The following CPEB3 variants were observed in gnomAD, a reference collection of about 807,000 sequenced individuals.
CPEB3 encodes cytoplasmic polyadenylation element-binding protein 3.
CPEB3 carries 20 observed loss-of-function variants against 67.2 expected under a neutral mutation model. The observed-to-expected ratio is 0.30, with a 90% CI of 0.21 to 0.43. The LOEUF (loss-of-function observed/expected upper bound fraction) is 0.43. CPEB3 is among the 20% of genes least tolerant of loss of function. CPEB3 has a pLI of 1.00. For missense variants in CPEB3, 746 were observed against 968.6 expected (o/e 0.77, Z 3.05); for synonymous variants, 376 against 393.1 (o/e 0.96, Z 0.51).
intron 4 of CPEB3, among the ~76,000 whole-genome samples, chr10:92,179,105 T>G (rs556402644): frequency 6.6e-6 from 1 of 152,060 alleles, no homozygotes; most frequent in East Asian, 1.9e-4. Flanking sequence ...TTTGGTACTT[T>G]AAAAAAATTA....
Position 92,094,547 on chromosome 10 carries a change from T to A in CPEB3, c.1573-2603A>T, listed in dbSNP as rs1843768402. On this transcript the variant is annotated intron_variant, in intron 7 of 9. Coordinates refer to ENST00000265997, the MANE Select transcript of CPEB3 (RefSeq NM_014912.5). ...AACCTGGGAGGCGGAGCTTGCAGTG[T>A]GCCAAGATCACGTCACTGCACTCCA... Among the ~76,000 whole-genome samples the A allele has an allele frequency of 2.7e-5, 4 of 150,722 alleles. No individual in the cohort carries two copies. The South Asian group carries it at 8.4e-4, about 32-fold the overall frequency.
In CPEB3 at chr10:92,177,358, G is replaced by T. The variant is rs76767236; in HGVS notation, c.1222+3605C>A. ...TTATTTTGGAAATATTGGACAAGTG[G>T]CAGGTCTTACTGATGGATTGGAGTT... is the stretch of plus-strand genomic sequence containing the variant. On this transcript the variant is annotated intron_variant, in intron 4 of 9. Transcript: ENST00000265997. 7.9e-3 allele frequency among the ~76,000 whole-genome samples: 1,199 copies of T among 152,304 alleles called. 10 individuals are homozygous for T. The highest frequency in any genetic ancestry group is 0.028 in the African/African-American group (1,151 of 41,546).
At chr10:92,236,935 T>C (rs372489537) in intron 2 of CPEB3, among the ~76,000 whole-genome samples, 1 of 152,198 alleles carries the variant, frequency 6.6e-6, no homozygotes, top group East Asian at 1.9e-4. Flanking sequence ...CTTTTATTAA[T>C]AGCTCAAAAA....
At chr10:92,141,587 T>A (rs1260936372) in intron 6 of CPEB3, among the ~76,000 whole-genome samples, 1 of 151,918 alleles carries the variant, frequency 6.6e-6, no homozygotes, top group Admixed American at 6.6e-5. Context: ...CATATGTAAC[T>A]AACCTGCACA....
At chr10:92,098,160 TAAAAAAAAAAAAAAAAAAAAA>T (rs1166249584) in intron 7 of CPEB3, among the ~76,000 whole-genome samples, 12 of 36,126 alleles carry the variant, frequency 3.3e-4, no homozygotes, top group African/African-American at 1.3e-3. Context: ...ACACTCTGCC[TAAAAAAAAAAAAAAAAAAAAA>T]AAAAAAAAAA....
chr10:92,094,385 G>A (rs923803625), intron 7 of CPEB3, among the ~76,000 whole-genome samples: 1 of 151,858 alleles, frequency 6.6e-6, no homozygotes, highest in Non-Finnish European at 1.5e-5. Context: ...GGCGGATCAC[G>A]AGGTCAGGAG....
In CPEB3 at chr10:92,193,181, C is replaced by T. The variant is rs367693159; in HGVS notation, c.1006-545G>A. 6.6e-5 allele frequency among the ~76,000 whole-genome samples: 10 copies of T among 151,918 alleles called. No individual in the cohort carries two copies. The East Asian group carries it at 1.7e-3, about 26-fold the overall frequency. On this transcript the variant is annotated intron_variant, in intron 2 of 9. Transcript: ENST00000265997. ...GAGCTGAGGTCACACCACTGCATTC[C>T]AGCCTGGATGACAGAGCAAGACTCC...
At chr10:92,100,311 T>C (rs1196456343) in intron 7 of CPEB3, among the ~76,000 whole-genome samples, 1 of 152,212 alleles carries the variant, frequency 6.6e-6, no homozygotes, top group African/African-American at 2.4e-5. Flanking sequence ...TTCACTCTTG[T>C]TGCCCAGGCT....
chr10:92,231,590 A>G (rs1394710811), intron 2 of CPEB3, among the ~76,000 whole-genome samples: 2 of 152,148 alleles, frequency 1.3e-5, no homozygotes, highest in African/African-American at 4.8e-5. Flanking sequence ...CCTCATCACT[A>G]GTGACAGAGC....
intron 6 of CPEB3, among the ~76,000 whole-genome samples, chr10:92,134,815 T>G (rs539575955): frequency 9.9e-5 from 15 of 151,606 alleles, no homozygotes; most frequent in South Asian, 8.3e-4. Flanking sequence ...CCAAAACAGA[T>G]ATATAGACCA....
intron 7 of CPEB3, among the ~76,000 whole-genome samples, chr10:92,099,223 CTTTT>C (rs11286697): frequency 0.015 from 2,145 of 142,362 alleles, 48 homozygotes; most frequent in African/African-American, 0.051. Flanking sequence ...GTCTTTTCGT[CTTTT>C]TTTTTTTTTT....
At chr10:92,059,187 A>C (rs1342122155) in intron 9 of CPEB3, among the ~76,000 whole-genome samples, 1 of 151,980 alleles carries the variant, frequency 6.6e-6, no homozygotes, top group East Asian at 1.9e-4. Context: ...TTAGCCAGGC[A>C]TGGTAGCACA....
chr10:92,073,708 C>T (rs1363695547), intron 9 of CPEB3, among the ~76,000 whole-genome samples: 2 of 152,024 alleles, frequency 1.3e-5, no homozygotes, highest in African/African-American at 4.8e-5. Flanking sequence ...CTCAAGCTAT[C>T]CTCCTACCTC....
intron 6 of CPEB3, 72 bp from the exon 7 acceptor site, chr10:92,111,266 A>G: frequency 9.8e-7 from 1 of 1,019,846 alleles, no homozygotes; most frequent in Non-Finnish European, 1.5e-6. Context: ...ATTACAAATT[A>G]TCTGTTGTTT....
chr10:92,248,243 G>A (rs1852150082), intron 1 of CPEB3, among the ~76,000 whole-genome samples: 1 of 152,160 alleles, frequency 6.6e-6, no homozygotes, highest in African/African-American at 2.4e-5. Flanking sequence ...TACAATGTAA[G>A]TGTTATGTAA....
At chr10:92,163,272 T>C (rs776174740) in intron 4 of CPEB3, among the ~76,000 whole-genome samples, 5 of 152,026 alleles carry the variant, frequency 3.3e-5, no homozygotes, top group East Asian at 1.9e-4. Flanking sequence ...TTGTCTCTAC[T>C]AAAAATACAA....
chr10:92,070,252 A>G (rs949707197), intron 9 of CPEB3, among the ~76,000 whole-genome samples: 1 of 152,250 alleles, frequency 6.6e-6, no homozygotes, highest in African/African-American at 2.4e-5. Flanking sequence ...GAAGATTAGT[A>G]TATGAAAGAT....
chr10:92,196,102 C>T (rs1849226443), intron 2 of CPEB3, among the ~76,000 whole-genome samples: 1 of 152,188 alleles, frequency 6.6e-6, no homozygotes, highest in Non-Finnish European at 1.5e-5. Context: ...CCGATTAAAA[C>T]ATAGATTCCT....
chr10:92,051,586 A>G lies in CPEB3; in HGVS notation c.*626T>C, dbSNP rs914875421. Reference sequence around the variant, plus strand: ...ATCTAACCAAAATCCTCGGCAAAACAAAAATCAAACATGAAGGAAAAATAA... The same window carrying G: ...ATCTAACCAAAATCCTCGGCAAAACGAAAATCAAACATGAAGGAAAAATAA... On this transcript the variant is annotated 3_prime_UTR_variant, in exon 10 of 10. Coordinates refer to ENST00000265997, the MANE Select transcript of CPEB3 (RefSeq NM_014912.5). 6.6e-6 allele frequency: 1 copy of G among 152,640 alleles called. No individual in the cohort carries two copies. The highest frequency in any genetic ancestry group is 2.4e-5 in the African/African-American group (1 of 41,464). 9.5% of individuals were successfully genotyped at this position (152,640 alleles called of 1,614,324 possible). A position where few individuals can be genotyped will look rare whatever the true frequency, so the allele number is the denominator to read the frequency against.
Sources: gnomAD v4.1 joint callset for allele counts (sites outside exome capture counted in the v4.1 genomes callset) on GRCh38, gnomAD v4.1.1 for gene constraint, MANE v1.5 for transcripts, NCBI Gene and HGNC (gene_info 2026-07-23, HGNC 2026-07-21) for gene names.